COLEC10: variants seen among roughly 807,000 people sequenced by gnomAD.
The protein encoded by COLEC10 is collectin-10.
Under a neutral mutation model 28.4 loss-of-function variants are expected in COLEC10, and 22 were observed. The observed-to-expected ratio is 0.78, with a 90% CI of 0.55 to 1.11. COLEC10 has a LOEUF of 1.11. Ranked by LOEUF, COLEC10 falls within the 50% of genes least tolerant of loss-of-function variation. COLEC10 has a pLI of 0.00. For synonymous variants in COLEC10, 125 were observed against 116.1 expected (o/e 1.08, Z -0.49); for missense variants, 361 against 344.1 (o/e 1.05, Z -0.39).
At chr8:119,099,604 T>C (rs889772849) in intron 3 of COLEC10, among the ~76,000 whole-genome samples, 8 of 150,300 alleles carry the variant, frequency 5.3e-5, no homozygotes, top group East Asian at 3.9e-4. Context: ...TGCTTTGGTG[T>C]TCCCATTTGT....
chr8:118,975,944 A>T, the COLEC10 span, among the ~76,000 whole-genome samples: 1 of 152,052 alleles, frequency 6.6e-6, no homozygotes, highest in South Asian at 2.1e-4. Context: ...AAGGTAGATA[A>T]AGTAGCTAAG....
At chr8:118,989,230 C>T in the COLEC10 span, among the ~76,000 whole-genome samples, 4 of 152,044 alleles carry the variant, frequency 2.6e-5, no homozygotes, top group Non-Finnish European at 4.4e-5. Flanking sequence ...CTGATGGGCT[C>T]ATTAGTAGCG....
At chr8:119,019,099 A>G (rs1046009963) in intron 2 of COLEC10, among the ~76,000 whole-genome samples, 4 of 152,182 alleles carry the variant, frequency 2.6e-5, no homozygotes, top group African/African-American at 9.7e-5. Flanking sequence ...CTAAGCTTCT[A>G]TGTTTAGCAT....
At chr8:119,042,389 C>T (rs1379205724) in intron 2 of COLEC10, among the ~76,000 whole-genome samples, 1 of 138,752 alleles carries the variant, frequency 7.2e-6, no homozygotes, top group African/African-American at 2.9e-5. Context: ...TTTCTCTAAG[C>T]TTTTATTTAA....
intron 1 of COLEC10, chr8:119,068,864 G>A (rs543552486): frequency 1.4e-4 from 22 of 152,032 alleles, no homozygotes; most frequent in Admixed American, 5.9e-4. Flanking sequence ...GTTCTTGGGT[G>A]TGATTTCCTC....
At chr8:119,049,415 T>C (rs1026213442) in intron 2 of COLEC10, among the ~76,000 whole-genome samples, 11 of 127,886 alleles carry the variant, frequency 8.6e-5, no homozygotes, top group Admixed American at 1.5e-4. Flanking sequence ...TTTTTTTTTT[T>C]TTTTTTTTTT....
upstream of COLEC10, among the ~76,000 whole-genome samples, chr8:119,065,505 A>G (rs1177665629): frequency 6.6e-6 from 1 of 152,176 alleles, no homozygotes; most frequent in Non-Finnish European, 1.5e-5. Context: ...AGTGAGTTGT[A>G]TAATTATTTC....
chr8:119,090,039 T>C (rs112062549), intron 2 of COLEC10, among the ~76,000 whole-genome samples: 137 of 152,310 alleles, frequency 9.0e-4, no homozygotes, highest in African/African-American at 3.2e-3. Flanking sequence ...CGATGTGTTA[T>C]AGTGCTGTGT....
chr8:118,972,955 A>C, the COLEC10 span, among the ~76,000 whole-genome samples: 2 of 151,966 alleles, frequency 1.3e-5, no homozygotes. Context: ...AGCAAAAGAG[A>C]AAAGCCCCTT....
At chr8:118,954,672 A>G in the COLEC10 span, among the ~76,000 whole-genome samples, 1 of 152,196 alleles carries the variant, frequency 6.6e-6, no homozygotes, top group East Asian at 1.9e-4. Context: ...GATATTCCTC[A>G]TCTCTTCTTT....
At chr8:118,957,492 C>G in the COLEC10 span, among the ~76,000 whole-genome samples, 1 of 152,114 alleles carries the variant, frequency 6.6e-6, no homozygotes, top group Admixed American at 6.5e-5. Flanking sequence ...GAGGCTAAGG[C>G]CAAGGGAACT....
rs575891469 is a variant in COLEC10, at chr8:119,087,607, G to GT, written c.149-2065dup. ...GAATAAAGTCATTAAGTAATAAGCT[G>GT]TTTTTTTTCTTTTCTCCCACTATCT... On this transcript the variant is annotated intron_variant, in intron 1 of 5. Coordinates refer to ENST00000332843, the MANE Select transcript of COLEC10 (RefSeq NM_006438.5). Among the ~76,000 whole-genome samples, 46 of 151,808 alleles carry GT rather than the reference G, an allele frequency of 3.0e-4. No homozygotes were observed. In the South Asian group the frequency reaches 6.9e-3, roughly 23 times the overall value.
chr8:118,969,692 TC>T, the COLEC10 span, among the ~76,000 whole-genome samples: 2 of 150,568 alleles, frequency 1.3e-5, no homozygotes, highest in African/African-American at 4.9e-5. Flanking sequence ...TTTCTTTCTT[TC>T]TTTTTTTTTT....
At chr8:118,986,433 C>T in the COLEC10 span, among the ~76,000 whole-genome samples, 8 of 152,190 alleles carry the variant, frequency 5.3e-5, no homozygotes, top group Non-Finnish European at 7.4e-5. Flanking sequence ...AGAAAACCAA[C>T]GTCCAACCAT....
intron 1 of COLEC10, among the ~76,000 whole-genome samples, chr8:119,084,494 T>G (rs1412947345): frequency 6.6e-6 from 1 of 152,244 alleles, no homozygotes; most frequent in East Asian, 1.9e-4. Flanking sequence ...TCAAAGGACT[T>G]AGGCTTACTC....
chr8:119,085,054 C>T (rs1051381637), intron 1 of COLEC10, among the ~76,000 whole-genome samples: 1 of 152,160 alleles, frequency 6.6e-6, no homozygotes, highest in Non-Finnish European at 1.5e-5. Flanking sequence ...CACAGCAATC[C>T]TATGAGGTTG....
intron 1 of COLEC10, among the ~76,000 whole-genome samples, chr8:119,072,656 T>C (rs1815147172): frequency 6.6e-6 from 1 of 152,070 alleles, no homozygotes; most frequent in South Asian, 2.1e-4. Flanking sequence ...CCTCAGTGTT[T>C]TATGGGGCCA....
the COLEC10 span, among the ~76,000 whole-genome samples, chr8:118,959,953 A>G: frequency 6.6e-6 from 1 of 152,234 alleles, no homozygotes; most frequent in African/African-American, 2.4e-5. Flanking sequence ...TGAGTATGGT[A>G]TGAAGTCCTT....
intron 1 of COLEC10, among the ~76,000 whole-genome samples, chr8:119,006,464 C>A (rs1813799649): frequency 6.6e-6 from 1 of 152,042 alleles, no homozygotes; most frequent in South Asian, 2.1e-4. Flanking sequence ...ATAAATTTGT[C>A]CCTGAAACTG....
Sources: allele counts gnomAD v4.1 joint callset (sites outside exome capture counted in the v4.1 genomes callset), GRCh38; gene constraint gnomAD v4.1.1; transcripts MANE v1.5; gene names NCBI Gene and HGNC (gene_info 2026-07-23, HGNC 2026-07-21).